PHACTR3: variants seen among roughly 807,000 people sequenced by gnomAD.
PHACTR3 encodes the protein phosphatase and actin regulator 3, also known as protein phosphatase 1, regulatory subunit 123.
A neutral mutation model predicts 66.8 loss-of-function variants in PHACTR3; 16 were observed. The observed-to-expected ratio is 0.24, with a 90% CI of 0.16 to 0.36. PHACTR3 has a LOEUF of 0.36. PHACTR3 is among the 10% of genes least tolerant of loss of function. The pLI is 1.00. For synonymous variants in PHACTR3, 323 were observed against 292.1 expected (o/e 1.11, Z -1.08); for missense variants, 647 against 719.9 (o/e 0.90, Z 1.16).
At chr20:59,704,562 C>CTTTTTTTTTTTTTTTTTTTTTTTTTTT (rs11331156) in intron 1 of PHACTR3, among the ~76,000 whole-genome samples, 1 of 89,474 alleles carries the variant, frequency 1.1e-5, no homozygotes, top group Non-Finnish European at 2.2e-5. Flanking sequence ...TGAGAATAGT[C>CTTTTTTTTTTTTTTTTTTTTTTTTTTT]TTTTTTTTTT....
intron 1 of PHACTR3, among the ~76,000 whole-genome samples, chr20:59,714,428 C>A (rs2038019668): frequency 6.6e-6 from 1 of 152,202 alleles, no homozygotes; most frequent in African/African-American, 2.4e-5. Flanking sequence ...GATCCTCCAC[C>A]ATTTGGTGAA....
chr20:59,824,562 AG>A (rs1307200194), intron 8 of PHACTR3, among the ~76,000 whole-genome samples: 2 of 152,292 alleles, frequency 1.3e-5, no homozygotes, highest in East Asian at 1.9e-4. Context: ...GGTTGAACAC[AG>A]GTCCTTTAGG....
At position 59,767,241 on chromosome 20, in the gene PHACTR3, C is replaced by T; in HGVS notation, c.597C>T (p.Pro199=). The T allele has an allele frequency of 1.2e-6, 2 of 1,614,258 alleles. No individual in the cohort carries two copies. Among genetic ancestry groups the T allele is most frequent in the Non-Finnish European group, 8.5e-7 (1 of 1,180,048 alleles). ...GEEADAGSLL[P]TTNELSQALA... ...AAGCAGACGCTGGCAGCCTCCTGCC[C>T]ACCACCAATGAGCTCTCCCAAGCCT... The change falls in exon 5 of 13, where the codon CCC becomes CCT. Residue 199 remains proline, a synonymous_variant. Transcript: ENST00000371015.
chr20:59,773,563 T>C (rs1055406522), intron 6 of PHACTR3, 110 bp downstream of exon 6: 3 of 1,143,048 alleles, frequency 2.6e-6, no homozygotes, highest in Middle Eastern at 3.0e-4. Flanking sequence ...TGTCCCGTTC[T>C]ACAGTCACTT....
chr20:59,713,462 G>C (rs77873469), intron 1 of PHACTR3, among the ~76,000 whole-genome samples: 1 of 152,156 alleles, frequency 6.6e-6, no homozygotes, highest in Admixed American at 6.5e-5. Context: ...AATTTACATC[G>C]TCTTGATTAG....
intron 1 of PHACTR3, among the ~76,000 whole-genome samples, chr20:59,581,050 G>T (rs904109934): frequency 3.9e-5 from 6 of 152,228 alleles, no homozygotes; most frequent in African/African-American, 1.4e-4. Flanking sequence ...GTCCAGAAAT[G>T]GAGCTGGCAT....
chr20:59,822,898 A>G (rs528548729), intron 8 of PHACTR3, among the ~76,000 whole-genome samples: 45 of 152,166 alleles, frequency 3.0e-4, no homozygotes, highest in Admixed American at 1.2e-3. Context: ...CACAGGGAGG[A>G]GTGCATGGGA....
At chr20:59,665,644 C>G (rs910240940) in intron 1 of PHACTR3, among the ~76,000 whole-genome samples, 1 of 151,932 alleles carries the variant, frequency 6.6e-6, no homozygotes, top group Non-Finnish European at 1.5e-5. Context: ...GAAATACTGC[C>G]CATGGGGGTC....
At chr20:59,781,829 G>T (rs1490776858) in intron 7 of PHACTR3, among the ~76,000 whole-genome samples, 1 of 152,098 alleles carries the variant, frequency 6.6e-6, no homozygotes, top group Non-Finnish European at 1.5e-5. Context: ...GCAAGCACAG[G>T]GGGGTTCTAG....
chr20:59,706,114 C>T (rs1036417583), intron 1 of PHACTR3, among the ~76,000 whole-genome samples: 8 of 152,170 alleles, frequency 5.3e-5, no homozygotes, highest in Admixed American at 4.6e-4. Flanking sequence ...AACTCAATGG[C>T]CTCCAGATGA....
chr20:59,755,253 T>G lies in PHACTR3; in HGVS notation c.430T>G (p.Ser144Ala). 6.2e-7 allele frequency: 1 copy of G among 1,613,910 alleles called. No individual in the cohort carries two copies. The highest frequency in any genetic ancestry group is 8.5e-7 in the Non-Finnish European group (1 of 1,180,022). ...ACAGAGTGAACCACCCACTCCCAAGTCGGAGACGCTGACTTCAGAAGATGC... is the reference window on the plus strand; with the variant it reads ...ACAGAGTGAACCACCCACTCCCAAGGCGGAGACGCTGACTTCAGAAGATGC... Reference protein sequence around the residue: ...SVQSEPPTPKSETLTSEDAQP... With the variant: ...SVQSEPPTPKAETLTSEDAQP... Residue 144 changes from serine (S) to alanine (A), a missense_variant, in exon 4 of 13, where the codon TCG becomes GCG. Transcript: ENST00000371015.
At position 59,773,366 on chromosome 20, in the gene PHACTR3, A is replaced by T. The variant is rs759273892; in HGVS notation, c.839A>T (p.His280Leu). 1.2e-6 allele frequency: 2 copies of T among 1,614,056 alleles called. No homozygotes were observed. Among genetic ancestry groups the T allele is most frequent in the South Asian group, 1.1e-5 (1 of 91,064 alleles). ...GQLSTPTGSP[H>L]LTTVHRPLPP... ...CTCTCCACACCCACGGGGTCTCCGCATCTCACCACGGTCCACCGGCCTCTT... is the reference window on the plus strand; with the variant it reads ...CTCTCCACACCCACGGGGTCTCCGCTTCTCACCACGGTCCACCGGCCTCTT... Residue 280 changes from histidine (H) to leucine (L), a missense_variant, in exon 6 of 13, where the codon CAT becomes CTT. His to Leu is a moderately conservative substitution (Grantham distance 99, BLOSUM62 -3). This residue lies in a region of PHACTR3 where 577 missense variants were observed against 571.1 expected (regional missense o/e 1.01). Transcript: ENST00000371015.
intron 1 of PHACTR3, among the ~76,000 whole-genome samples, chr20:59,674,891 T>TC (rs1288835534): frequency 2.2e-5 from 2 of 92,534 alleles, no homozygotes; most frequent in African/African-American, 9.8e-5. Context: ...TTCTCCTGTC[T>TC]CTGCCTTCTC....
chr20:59,645,813 C>G (rs1453022015), intron 1 of PHACTR3, among the ~76,000 whole-genome samples: 1 of 152,146 alleles, frequency 6.6e-6, no homozygotes, highest in Non-Finnish European at 1.5e-5. Flanking sequence ...TCTCTCCCAG[C>G]ATCTAGCTCA....
intron 7 of PHACTR3, among the ~76,000 whole-genome samples, chr20:59,795,122 ATTG>A (rs1301417821): frequency 6.6e-6 from 1 of 151,846 alleles, no homozygotes; most frequent in Non-Finnish European, 1.5e-5. Flanking sequence ...GATGTAGGCA[ATTG>A]TTGTTGCATG....
intron 1 of PHACTR3, among the ~76,000 whole-genome samples, chr20:59,742,503 A>G (rs1404528742): frequency 6.6e-6 from 1 of 152,198 alleles, no homozygotes; most frequent in East Asian, 1.9e-4. Context: ...CCGTTTGCTC[A>G]GAATTCTCAC....
intron 7 of PHACTR3, among the ~76,000 whole-genome samples, chr20:59,804,575 A>T (rs1280831734): frequency 6.6e-6 from 1 of 152,146 alleles, no homozygotes; most frequent in Non-Finnish European, 1.5e-5. Flanking sequence ...CTCTCATAAC[A>T]TGCAGTAAAG....
At chr20:59,676,988 AG>A (rs898779116) in intron 1 of PHACTR3, among the ~76,000 whole-genome samples, 2 of 151,812 alleles carry the variant, frequency 1.3e-5, no homozygotes, top group Admixed American at 6.6e-5. Flanking sequence ...TTATGTATCA[AG>A]GGAGTCAGAC....
Position 59,836,491 on chromosome 20 carries a change from G to A in PHACTR3, c.1329-14G>A. 1 of 1,606,630 alleles carries A rather than the reference G, an allele frequency of 6.2e-7. No homozygotes were observed. The highest frequency in any genetic ancestry group is 1.7e-4 in the Middle Eastern group (1 of 6,028). On this transcript the variant is annotated splice_polypyrimidine_tract_variant and intron_variant, in intron 8 of 12. Transcript: ENST00000371015. ...CACTATGGTGCAAAATGTAATTTTA[G>A]TGTTTTTCCGCAGACGGCTGAGCCA...
Sources: allele counts gnomAD v4.1 joint callset (sites outside exome capture counted in the v4.1 genomes callset), GRCh38; gene constraint gnomAD v4.1.1; regional missense constraint gnomAD v4.1.1; transcripts MANE v1.5; gene names NCBI Gene and HGNC (gene_info 2026-07-23, HGNC 2026-07-21).